Variants in HS3ST5 observed in about 807,000 individuals in gnomAD.
The protein encoded by HS3ST5 is heparan sulfate-glucosamine 3-sulfotransferase 5, also known as heparan sulfate glucosamine 3-O-sulfotransferase 5.
In HS3ST5, 10 loss-of-function variants were observed where a neutral mutation model predicts 25.4. That is an observed-to-expected ratio of 0.39 (90% confidence interval 0.24 to 0.67). The LOEUF (loss-of-function observed/expected upper bound fraction) is 0.67, where lower values mean the gene tolerates loss of function less well. Ranked by LOEUF, HS3ST5 falls within the 30% of genes least tolerant of loss-of-function variation. The pLI, the probability that HS3ST5 is intolerant of heterozygous loss-of-function variation, is 0.44. For synonymous variants in HS3ST5, 170 were observed against 162.4 expected (o/e 1.05, Z -0.36); for missense variants, 324 against 420.7 (o/e 0.77, Z 2.01).
At chr6:114,295,125 C>T (rs1488987850) in intron 1 of HS3ST5, among the ~76,000 whole-genome samples, 2 of 152,042 alleles carry the variant, frequency 1.3e-5, no homozygotes, top group African/African-American at 2.4e-5. Context: ...GAGTGTGTGC[C>T]TACATTTTCT....
intron 1 of HS3ST5, among the ~76,000 whole-genome samples, chr6:114,241,661 G>A (rs1772133551): frequency 6.6e-6 from 1 of 152,150 alleles, no homozygotes; most frequent in Admixed American, 6.5e-5. Flanking sequence ...TAGGAGCATA[G>A]TGATGACTTT....
chr6:114,335,304 T>C (rs188039126), intron 1 of HS3ST5, among the ~76,000 whole-genome samples: 1 of 140,796 alleles, frequency 7.1e-6, no homozygotes, highest in Admixed American at 6.9e-5. Flanking sequence ...ATTAAATGAG[T>C]GGCAAAAAAA....
chr6:114,108,698 G>A (rs1191027512), intron 3 of HS3ST5, among the ~76,000 whole-genome samples: 1 of 152,144 alleles, frequency 6.6e-6, no homozygotes, highest in Non-Finnish European at 1.5e-5. Flanking sequence ...ACATTAACTG[G>A]CACAAATAGA....
At chr6:114,211,892 A>G (rs541315058) in intron 2 of HS3ST5, among the ~76,000 whole-genome samples, 2 of 152,380 alleles carry the variant, frequency 1.3e-5, no homozygotes, top group South Asian at 4.1e-4. Flanking sequence ...TGGGAAAAAT[A>G]TCCTCAAGTA....
chr6:114,138,339 G>T (rs1777739196), intron 3 of HS3ST5, among the ~76,000 whole-genome samples: 1 of 152,128 alleles, frequency 6.6e-6, no homozygotes, highest in Non-Finnish European at 1.5e-5. Flanking sequence ...CTCTAAAAAA[G>T]ATGTCTACTA....
intron 3 of HS3ST5, among the ~76,000 whole-genome samples, chr6:114,145,315 T>G (rs903114185): frequency 6.6e-6 from 1 of 152,198 alleles, no homozygotes; most frequent in African/African-American, 2.4e-5. Context: ...TCTCCAGGAA[T>G]AGAGTTTCTT....
At chr6:114,063,431 C>T (rs959647660) in intron 3 of HS3ST5, among the ~76,000 whole-genome samples, 7 of 151,202 alleles carry the variant, frequency 4.6e-5, no homozygotes, top group South Asian at 2.1e-4. Flanking sequence ...AGGAGAATCA[C>T]TTGAACCCAA....
chr6:114,058,250 C>T, intron 4 of HS3ST5, 60 bp from the exon 5 acceptor site: 2 of 1,322,778 alleles, frequency 1.5e-6, no homozygotes, highest in South Asian at 2.8e-5. Context: ...TTTTCTGGTT[C>T]CCCAGTCAGA....
chr6:114,296,648 T>C (rs1774836061), intron 1 of HS3ST5, among the ~76,000 whole-genome samples: 1 of 152,154 alleles, frequency 6.6e-6, no homozygotes, highest in Non-Finnish European at 1.5e-5. Flanking sequence ...AATAAAAATA[T>C]CTAGAGAGAA....
intron 1 of HS3ST5, among the ~76,000 whole-genome samples, chr6:114,240,557 G>C (rs772291251): frequency 2.0e-5 from 3 of 152,124 alleles, no homozygotes; most frequent in Non-Finnish European, 4.4e-5. Flanking sequence ...CACGAAGCTG[G>C]TGTTGCTGTT....
intron 3 of HS3ST5, among the ~76,000 whole-genome samples, chr6:114,120,093 C>T (rs1197097910): frequency 1.3e-5 from 2 of 151,952 alleles, no homozygotes; most frequent in Admixed American, 6.6e-5. Flanking sequence ...TGTAGTGAGC[C>T]GAGATCGTGC....
At chr6:114,270,063 T>C (rs1051940005) in intron 1 of HS3ST5, among the ~76,000 whole-genome samples, 11 of 152,204 alleles carry the variant, frequency 7.2e-5, no homozygotes, top group African/African-American at 2.7e-4. Context: ...TTTAATCAGA[T>C]TAGCTGCGGT....
intron 2 of HS3ST5, among the ~76,000 whole-genome samples, chr6:114,222,011 T>C (rs539766068): frequency 8.6e-5 from 13 of 151,996 alleles, no homozygotes; most frequent in East Asian, 3.9e-4. Context: ...AGAAGCTGAT[T>C]ATTAAACAAA....
chr6:114,277,516 T>C (rs1340768805), intron 1 of HS3ST5, among the ~76,000 whole-genome samples: 1 of 151,636 alleles, frequency 6.6e-6, no homozygotes, highest in African/African-American at 2.4e-5. Flanking sequence ...ACAGTAATTA[T>C]AACAGTCATA....
rs377210716 is a variant in HS3ST5 at position 114,197,534 on chromosome 6, T to C, written c.-144-29072A>G. Reference sequence around the variant, plus strand: ...TAGATATGCAGGTTTGTTACAAGGGTATATTGTATAATGCTGAGGTTTGGG... The same window carrying C: ...TAGATATGCAGGTTTGTTACAAGGGCATATTGTATAATGCTGAGGTTTGGG... On this transcript the variant is annotated intron_variant, in intron 2 of 4. Transcript: ENST00000312719. Among the ~76,000 whole-genome samples, 65 of 152,236 alleles carry C rather than the reference T, an allele frequency of 4.3e-4. 1 individual carries two copies. Among genetic ancestry groups the C allele is most frequent in the African/African-American group, 1.5e-3 (62 of 41,546 alleles).
chr6:114,161,553 A>ATATAAATATATATAAAATT (rs1562220929), intron 3 of HS3ST5, among the ~76,000 whole-genome samples: 82 of 101,294 alleles, frequency 8.1e-4, no homozygotes, highest in African/African-American at 2.8e-3. Context: ...ATATATATAT[A>ATATAAATATATATAAAATT]TATATATATA....
At chr6:114,283,630 G>A (rs2114748068) in intron 1 of HS3ST5, among the ~76,000 whole-genome samples, 1 of 151,632 alleles carries the variant, frequency 6.6e-6, no homozygotes, top group South Asian at 2.1e-4. Context: ...TCACAATGCA[G>A]ACAGTCAAAT....
chr6:114,294,765 G>A (rs1774742456), intron 1 of HS3ST5, among the ~76,000 whole-genome samples: 1 of 152,130 alleles, frequency 6.6e-6, no homozygotes, highest in Non-Finnish European at 1.5e-5. Flanking sequence ...CTGAAACAAT[G>A]TTAATACCAT....
chr6:114,288,037 G>C (rs1774413730), intron 1 of HS3ST5, among the ~76,000 whole-genome samples: 1 of 152,036 alleles, frequency 6.6e-6, no homozygotes, highest in Admixed American at 6.6e-5. Flanking sequence ...AAAGTGTAAA[G>C]AAATGAGTTT....
Sources: allele counts gnomAD v4.1 joint callset (sites outside exome capture counted in the v4.1 genomes callset), GRCh38; gene constraint gnomAD v4.1.1; transcripts MANE v1.5; gene names NCBI Gene and HGNC (gene_info 2026-07-23, HGNC 2026-07-21).